The following MACF1 variants were observed in gnomAD, a reference collection of about 807,000 sequenced individuals.
MACF1 encodes the protein microtubule-actin cross-linking factor 1.
Under a neutral mutation model 854.8 loss-of-function variants are expected in MACF1, and 193 were observed. The observed-to-expected ratio is 0.23, with a 90% CI of 0.20 to 0.25. MACF1 has a LOEUF of 0.25. MACF1 is among the 10% of genes least tolerant of loss of function. The probability of loss-of-function intolerance (pLI) is 1.00; values close to 1 mark genes in which losing one functional copy is unlikely to be tolerated. For missense variants in MACF1, 7,722 were observed against 8,929.1 expected, an observed-to-expected ratio of 0.86 and a Z score of 5.45; for synonymous variants, 3,185 against 3,226.7, an observed-to-expected ratio of 0.99 and a Z score of 0.44.
chr1:39,254,457 A>G (rs1645075732), intron 5 of MACF1, 82 bp downstream of exon 5: 2 of 1,220,298 alleles, frequency 1.6e-6, no homozygotes, highest in South Asian at 2.4e-5. Flanking sequence ...TAGTGCCCCT[A>G]GTAAGCTCTC....
chr1:39,442,264 C>T lies in MACF1; in HGVS notation c.18892C>T (p.Leu6298=). ...ETDRDIIREP[L]TELKHLWENL... ...GGACAGAGACATTATACGAGAACCA[C>T]TGACAGAACTCAAACACCTCTGGGA... The change falls in exon 76 of 101, where the codon CTG becomes TTG. Residue 6298 remains leucine (L), a synonymous_variant. Transcript: ENST00000564288. The T allele has an allele frequency of 1.2e-6, 2 of 1,609,648 alleles. No individual in the cohort carries two copies. The highest frequency in any genetic ancestry group is 8.5e-7 in the Non-Finnish European group (1 of 1,178,540).
intron 2 of MACF1, among the ~76,000 whole-genome samples, chr1:39,187,911 T>TCTCTCCTCTC (rs1446223250): frequency 8.2e-6 from 1 of 122,160 alleles, no homozygotes; most frequent in East Asian, 2.5e-4. Context: ...TCCTCTCTCC[T>TCTCTCCTCTC]TCCTTCCTTC....
chr1:39,134,034 CTT>C (rs754585049), intron 2 of MACF1, among the ~76,000 whole-genome samples: 5,084 of 71,368 alleles, frequency 0.071, 93 homozygotes, highest in African/African-American at 0.24. Context: ...GAAGAACAGT[CTT>C]TTTTTTTTTT....
Position 39,382,170 on chromosome 1 carries a change from A to C in MACF1, c.13848+18A>C. On this transcript the variant is annotated intron_variant, in intron 56 of 100. Coordinates refer to ENST00000564288, the MANE Select transcript of MACF1 (RefSeq NM_001394062.1). ...AGGTCCAGGTGAGCAATATAGCAAC[A>C]AAGAAATTGGAATCACATGAAACTG... 3.7e-6 allele frequency: 6 copies of C among 1,608,522 alleles called. No homozygotes were observed. The highest frequency in any genetic ancestry group is 5.1e-6 in the Non-Finnish European group (6 of 1,177,728).
chr1:39,467,726 A>G (rs1041699729), intron 95 of MACF1: 1 of 152,204 alleles, frequency 6.6e-6, no homozygotes, highest in East Asian at 1.9e-4. Context: ...TGACCTAATC[A>G]TTTGTTCAGC....
chr1:39,109,524 C>T (rs192949630), intron 2 of MACF1, among the ~76,000 whole-genome samples: 1 of 152,194 alleles, frequency 6.6e-6, no homozygotes, highest in East Asian at 1.9e-4. Context: ...GTCTGCCTGC[C>T]TCAGCCTCCC....
rs1030192885 is a variant in MACF1 at position 39,349,617 on chromosome 1, G to A, written c.10955G>A (p.Ser3652Asn). 3.7e-6 allele frequency: 6 copies of A among 1,613,850 alleles called. No homozygotes were observed. In the African/African-American group the frequency reaches 6.7e-5, roughly 18 times the overall value. The change falls in exon 42 of 101, where the codon AGT (serine) becomes AAT (asparagine). Residue 3652 changes from serine (S) to asparagine (N), a missense_variant. Ser to Asn is a conservative substitution (Grantham distance 46). Around this residue, in one of 15 missense-constraint regions of MACF1, gnomAD observed 2,807 missense variants for 3,235.8 expected, o/e 0.87. Transcript: ENST00000564288. The stretch of plus-strand genomic sequence containing the variant: ...CTCTCTGCTTTGCAGAAGAACCAAA[G>A]TGACTTGAAGGTCAGTGTGAATCTG... ...QDLSALQKNQSDLKDLQDDIQ... is the reference protein window; with the variant it reads ...QDLSALQKNQNDLKDLQDDIQ...
chr1:39,128,607 G>A (rs2148167627), intron 2 of MACF1, among the ~76,000 whole-genome samples: 1 of 152,218 alleles, frequency 6.6e-6, no homozygotes, highest in Admixed American at 6.5e-5. Context: ...GCTAAGGCAG[G>A]AGAATGGCGT....
chr1:39,442,524 G>A lies in MACF1; in HGVS notation c.19061G>A (p.Ser6354Asn), dbSNP rs370478712. The change falls in exon 77 of 101, where the codon AGT (serine) becomes AAT (asparagine). Residue 6354 changes from serine to asparagine, a missense_variant. Coordinates refer to ENST00000564288, the MANE Select transcript of MACF1 (RefSeq NM_001394062.1). ...EELLDAQRPI[S>N]GDPKVIEVEL... ...TTGTTAGATGCTCAGAGACCAATAA[G>A]TGGAGACCCAAAAGTCATTGAAGTT... 5 of 1,614,192 alleles carry A rather than the reference G, an allele frequency of 3.1e-6. No homozygotes were observed. The South Asian group carries it at 3.3e-5, about 11-fold the overall frequency.
intron 2 of MACF1, among the ~76,000 whole-genome samples, chr1:39,244,107 A>C (rs1281426991): frequency 1.3e-5 from 2 of 151,268 alleles, no homozygotes; most frequent in African/African-American, 4.9e-5. Flanking sequence ...TTTTTTATTA[A>C]AAATTTTTTT....
intron 2 of MACF1, among the ~76,000 whole-genome samples, chr1:39,243,573 T>TA (rs1186988262): frequency 6.6e-6 from 1 of 152,180 alleles, no homozygotes; most frequent in African/African-American, 2.4e-5. Context: ...GGCTGACTTT[T>TA]AAAATTTTTT....
intron 93 of MACF1, 126 bp from the exon 94 acceptor site, chr1:39,463,486 A>C: frequency 1.6e-6 from 1 of 630,070 alleles, no homozygotes; most frequent in Non-Finnish European, 2.8e-6. Flanking sequence ...GCGAAACTCC[A>C]TCTCAAAAAA....
chr1:39,427,444 T>C lies in MACF1; in HGVS notation c.16317-11T>C, dbSNP rs1643764208. The C allele has an allele frequency of 6.2e-7, 1 of 1,613,468 alleles. No individual in the cohort carries two copies. The highest frequency in any genetic ancestry group is 8.5e-7 in the Non-Finnish European group (1 of 1,179,674). On this transcript the variant is annotated splice_polypyrimidine_tract_variant and intron_variant, in intron 61 of 100. Coordinates refer to ENST00000564288, the MANE Select transcript of MACF1 (RefSeq NM_001394062.1). ...TTCTTCCTGAGCAGCTTGTTCTATA[T>C]ATTTGTGTAGGCAAAAACAGCTGGA...
intron 2 of MACF1, among the ~76,000 whole-genome samples, chr1:39,166,298 C>T (rs1212709791): frequency 6.6e-6 from 1 of 152,054 alleles, no homozygotes; most frequent in Non-Finnish European, 1.5e-5. Flanking sequence ...GAATTCCTGA[C>T]CTCAGGTGAT....
intron 58 of MACF1, among the ~76,000 whole-genome samples, chr1:39,389,402 C>A (rs1201937654): frequency 2.8e-5 from 4 of 140,368 alleles, no homozygotes; most frequent in African/African-American, 8.2e-5. Context: ...CTCTGTAGCC[C>A]AGGTTGGAGT....
At chr1:39,137,083 T>A (rs67916282) in intron 2 of MACF1, among the ~76,000 whole-genome samples, 24,960 of 152,266 alleles carry the variant, frequency 0.16, 2,545 homozygotes, top group Middle Eastern at 0.22. Context: ...AATTTAATTT[T>A]ATTTTGAGAC....
rs1569833357 is a variant in MACF1, at chr1:39,385,864, A to G, written c.14279A>G (p.Lys4760Arg). The change falls in exon 57 of 101, where the codon AAG becomes AGG. Residue 4760 changes from lysine (K) to arginine (R), a missense_variant. Coordinates refer to ENST00000564288, the MANE Select transcript of MACF1 (RefSeq NM_001394062.1). ...GTGCTCATTGGTGAGCAGTACCTCA[A>G]GGATGAACTGAAGAAGCGTTTGGAG... Reference protein sequence around the residue: ...LSVLIGEQYLKDELKKRLETV... With the variant: ...LSVLIGEQYLRDELKKRLETV... 1 of 1,614,176 alleles carries G rather than the reference A, an allele frequency of 6.2e-7. No individual in the cohort carries two copies. Among genetic ancestry groups the G allele is most frequent in the Non-Finnish European group, 8.5e-7 (1 of 1,180,024 alleles).
Position 39,333,192 on chromosome 1 carries a change from C to T in MACF1, c.6604C>T (p.Gln2202Ter), listed in dbSNP as rs1488524159. 1 of 1,612,434 alleles carries T rather than the reference C, an allele frequency of 6.2e-7. No individual in the cohort carries two copies. The highest frequency in any genetic ancestry group is 8.5e-7 in the Non-Finnish European group (1 of 1,179,754). The change falls in exon 37 of 101, where the codon CAG becomes TAG. Residue 2202 changes from glutamine (Q) to a stop codon, truncating the protein, a stop_gained. Transcript: ENST00000564288. LOFTEE classifies it high-confidence loss of function. ...IKPQSKKLQV[Q>*]VKKTLGIKLE... ...ACCCCAAAGCAAAAAGTTACAAGTT[C>T]AGGTAAAGAAAACTCTAGGTATAAA...
chr1:39,476,952 C>T (rs1478705745), intron 97 of MACF1, among the ~76,000 whole-genome samples: 3 of 146,602 alleles, frequency 2.0e-5, no homozygotes, highest in East Asian at 4.0e-4. Flanking sequence ...CCACTTCTCC[C>T]TGCCCACTTC....
Sources: allele counts gnomAD v4.1 joint callset (sites outside exome capture counted in the v4.1 genomes callset), GRCh38; gene constraint gnomAD v4.1.1; regional missense constraint gnomAD v4.1.1; transcripts MANE v1.5; gene names NCBI Gene and HGNC (gene_info 2026-07-23, HGNC 2026-07-21).